KPNA7: variants seen among roughly 807,000 people sequenced by gnomAD.
KPNA7 encodes the protein importin subunit alpha-8.
In KPNA7, 54 loss-of-function variants were observed where a neutral mutation model predicts 53.7. The observed-to-expected ratio is 1.01, with a 90% CI of 0.81 to 1.26. KPNA7 has a LOEUF of 1.26. Ranked by LOEUF, KPNA7 falls within the 50% of genes most tolerant of loss-of-function variation. KPNA7 has a pLI of 0.00. For synonymous variants in KPNA7, 276 were observed against 259.3 expected, an observed-to-expected ratio of 1.06 and a Z score of -0.62; for missense variants, 640 against 644.5, an observed-to-expected ratio of 0.99 and a Z score of 0.07.
intron 1 of KPNA7, among the ~76,000 whole-genome samples, chr7:99,218,104 ATCC>A (rs1461913474): frequency 6.6e-6 from 1 of 152,056 alleles, no homozygotes; most frequent in African/African-American, 2.4e-5. Context: ...GGCTCAGGCA[ATCC>A]TCCTGCCTCA....
intron 6 of KPNA7, among the ~76,000 whole-genome samples, chr7:99,191,448 T>C (rs1348434724): frequency 6.6e-6 from 1 of 152,176 alleles, no homozygotes; most frequent in Non-Finnish European, 1.5e-5. Flanking sequence ...CTCTGCTATA[T>C]AATTCTACGG....
At chr7:99,193,239 G>T (rs952147063) in intron 5 of KPNA7, 138 bp from the exon 6 acceptor site, 2 of 521,378 alleles carry the variant, frequency 3.8e-6, no homozygotes, top group Non-Finnish European at 3.3e-6. Context: ...GTAGAGCCAC[G>T]TACTAAATTC....
chr7:99,173,779 G>A lies in KPNA7; in HGVS notation c.1480C>T (p.Gln494Ter). Residue 494 changes from glutamine to a stop codon, truncating the protein, a stop_gained, in exon 11 of 11, where the codon CAA becomes TAA. Transcript: ENST00000327442. LOFTEE classifies it low-confidence loss of function (END_TRUNC). Reference protein sequence around the residue: ...KHFGEEEDESQTLLSQVIDQD... With the variant: ...KHFGEEEDES ...TCTATGACTTGGCTCAGTAAAGTTT[G>A]GCTCTCATCTTCTTCCTTCAGGAGA... 3 of 1,548,698 alleles carry A rather than the reference G, an allele frequency of 1.9e-6. No individual in the cohort carries two copies. Among genetic ancestry groups the A allele is most frequent in the Non-Finnish European group, 2.6e-6 (3 of 1,144,226 alleles).
chr7:99,165,745 C>A, the KPNA7 span, among the ~76,000 whole-genome samples: 1 of 152,254 alleles, frequency 6.6e-6, no homozygotes, highest in African/African-American at 2.4e-5. Flanking sequence ...AAGCCCAATC[C>A]CTTTGAGACA....
chr7:99,183,252 C>CAAT (rs150596822), intron 8 of KPNA7, among the ~76,000 whole-genome samples: 15,065 of 151,710 alleles, frequency 0.099, 884 homozygotes, highest in African/African-American at 0.16. Flanking sequence ...ACTCCATCTC[C>CAAT]AATAATAATA....
At chr7:99,200,581 A>G (rs1790469736) in intron 3 of KPNA7, among the ~76,000 whole-genome samples, 1 of 152,208 alleles carries the variant, frequency 6.6e-6, no homozygotes. Flanking sequence ...TTCTCAGTGG[A>G]ACTGAAGACA....
the KPNA7 span, among the ~76,000 whole-genome samples, chr7:99,160,061 G>A: frequency 0.012 from 1,349 of 113,764 alleles, 28 homozygotes; most frequent in African/African-American, 0.045. Flanking sequence ...GTCTCGCTCT[G>A]TTGCCCAGGT....
At chr7:99,214,030 A>C (rs1170308862) in intron 1 of KPNA7, among the ~76,000 whole-genome samples, 1 of 152,192 alleles carries the variant, frequency 6.6e-6, no homozygotes, top group Admixed American at 6.6e-5. Context: ...ATCATTTCCC[A>C]AAGTTCCCAT....
chr7:99,148,903 T>G, the KPNA7 span, among the ~76,000 whole-genome samples: 3 of 147,142 alleles, frequency 2.0e-5, no homozygotes, highest in Non-Finnish European at 3.1e-5. Flanking sequence ...CCGTTTTTTT[T>G]TTTTTTTTTT....
intron 6 of KPNA7, among the ~76,000 whole-genome samples, chr7:99,188,878 C>T (rs573876654): frequency 2.0e-5 from 3 of 152,096 alleles, no homozygotes; most frequent in Non-Finnish European, 4.4e-5. Flanking sequence ...GATGGGGTTT[C>T]ACCATGTTGC....
the KPNA7 span, among the ~76,000 whole-genome samples, chr7:99,154,560 C>T: frequency 2.7e-5 from 4 of 147,420 alleles, no homozygotes; most frequent in South Asian, 4.3e-4. Context: ...GACGGAGTCT[C>T]GCTCTGTCGC....
intron 5 of KPNA7, 85 bp from the exon 6 acceptor site, chr7:99,193,186 G>A: frequency 1.3e-6 from 1 of 787,574 alleles, no homozygotes; most frequent in African/African-American, 1.8e-5. Flanking sequence ...AGTGTGCAAA[G>A]GGCAAGAGAC....
At chr7:99,177,812 G>GC (rs554357369) in intron 10 of KPNA7, 108 bp downstream of exon 10, 3 of 1,146,542 alleles carry the variant, frequency 2.6e-6, no homozygotes, top group Middle Eastern at 2.6e-4. Context: ...AAGACCACCT[G>GC]CCCAGTCACC....
At chr7:99,162,351 G>T in the KPNA7 span, among the ~76,000 whole-genome samples, 5 of 152,076 alleles carry the variant, frequency 3.3e-5, no homozygotes, top group African/African-American at 1.2e-4. Context: ...GCTGAGAATT[G>T]CATTCTTTGA....
intron 9 of KPNA7, among the ~76,000 whole-genome samples, chr7:99,180,555 C>CTCTGTCTGTCTCTGTCCA (rs56053514): frequency 1.8e-4 from 26 of 141,634 alleles, no homozygotes; most frequent in African/African-American, 6.8e-4. Flanking sequence ...CTCCGTCTGT[C>CTCTGTCTGTCTCTGTCCA]TCTGTCTCTG....
At position 99,181,928 on chromosome 7, in the gene KPNA7, A is replaced by C. The variant is rs574076541; in HGVS notation, c.1272T>G (p.Val424=). ...CATCAAGGATGATGAGAACAATTTT[A>C]ACATCTGGGGCAGTGAGCAGATTCA... ...PLVNLLTAPD[V]KIVLIILDVI... is the part of the protein sequence containing the mutation. Residue 424 remains valine (V), a synonymous_variant, in exon 9 of 11, where the codon GTT becomes GTG. Coordinates refer to ENST00000327442, the MANE Select transcript of KPNA7 (RefSeq NM_001145715.3). 6.4e-7 allele frequency: 1 copy of C among 1,551,144 alleles called. No homozygotes were observed. The highest frequency in any genetic ancestry group is 1.2e-5 in the South Asian group (1 of 83,994).
chr7:99,149,733 CT>C, the KPNA7 span, among the ~76,000 whole-genome samples: 1 of 152,204 alleles, frequency 6.6e-6, no homozygotes, highest in Non-Finnish European at 1.5e-5. Context: ...AAAATCTTCT[CT>C]GTCTAGGATC....
At chr7:99,163,513 T>A in the KPNA7 span, among the ~76,000 whole-genome samples, 1 of 148,372 alleles carries the variant, frequency 6.7e-6, no homozygotes, top group Admixed American at 6.8e-5. Context: ...CTCAGCCTCC[T>A]GAGTAGCTGG....
rs1202072074 is a variant in KPNA7 at position 99,208,070 on chromosome 7, C to T, written c.-66G>A. On this transcript the variant is annotated 5_prime_UTR_variant, in exon 1 of 11. Transcript: ENST00000327442. ...AGTCTGGACTTCTCAGCTCCATGTC[C>T]TATTTCTGCAAGACCTGCTTGTTGG... 1.3e-5 allele frequency among the ~76,000 whole-genome samples: 2 copies of T among 152,058 alleles called. No individual in the cohort carries two copies. The highest frequency in any genetic ancestry group is 2.9e-5 in the Non-Finnish European group (2 of 68,016).
Sources: allele counts gnomAD v4.1 joint callset (sites outside exome capture counted in the v4.1 genomes callset), GRCh38; gene constraint gnomAD v4.1.1; transcripts MANE v1.5; gene names NCBI Gene and HGNC (gene_info 2026-07-23, HGNC 2026-07-21).